The following TSPAN1 variants were observed in gnomAD, a reference collection of about 807,000 sequenced individuals.
TSPAN1 encodes tetraspanin-1.
TSPAN1 carries 23 observed loss-of-function variants against 26.9 expected under a neutral mutation model. The ratio of observed to expected loss-of-function variants is 0.85; its 90% CI spans 0.62 to 1.21. The LOEUF (loss-of-function observed/expected upper bound fraction) is 1.21. Among genes scored for constraint, TSPAN1 ranks in the 50% most tolerant of loss-of-function variants. The pLI is 0.00. For missense variants in TSPAN1, 283 were observed against 298.4 expected (o/e 0.95, Z 0.38); for synonymous variants, 115 against 114.8 (o/e 1.00, Z -0.01).
At chr1:46,188,488 A>G (rs905739225), downstream of TSPAN1, among the ~76,000 whole-genome samples, 6 of 152,188 alleles carry the variant, frequency 3.9e-5, no homozygotes, top group Non-Finnish European at 8.8e-5. Flanking sequence ...GGCTAAAGTC[A>G]AGCTGTCCTA....
At chr1:46,189,421 G>A (rs1657565517), downstream of TSPAN1, 2 of 1,613,668 alleles carry the variant, frequency 1.2e-6, no homozygotes, top group Non-Finnish European at 1.7e-6. Context: ...GATCTCACTA[G>A]GCCTCCTGTT....
chr1:46,183,998 G>T (rs981381399), intron 3 of TSPAN1, 193 bp from the exon 4 acceptor site: 1 of 624,720 alleles, frequency 1.6e-6, no homozygotes, highest in African/African-American at 1.8e-5. Flanking sequence ...TGTGCAGCCT[G>T]GTCCTAGCTA....
downstream of TSPAN1, chr1:46,189,782 G>C: frequency 6.2e-7 from 1 of 1,602,056 alleles, no homozygotes. Context: ...CAGAGCAAAG[G>C]CTCCCTGGAT....
intron 6 of TSPAN1, 34 bp downstream of exon 6, chr1:46,184,917 A>G: frequency 6.2e-7 from 1 of 1,614,040 alleles, no homozygotes; most frequent in Non-Finnish European, 8.5e-7. Context: ...TAGGGTGGAG[A>G]GAAAGAAGCA....
chr1:46,189,317 G>C, downstream of TSPAN1: 1 of 1,613,820 alleles, frequency 6.2e-7, no homozygotes, highest in African/African-American at 1.3e-5. Flanking sequence ...TTTGGGGGTG[G>C]CTCCAGGAAA....
chr1:46,195,707 T>C, the TSPAN1 span: 13 of 1,068,554 alleles, frequency 1.2e-5, 1 homozygote, highest in South Asian at 1.6e-4. Flanking sequence ...TAACCTTCCT[T>C]CAGAGAATCT....
chr1:46,190,459 G>T, downstream of TSPAN1: 1 of 1,578,284 alleles, frequency 6.3e-7, no homozygotes, highest in Non-Finnish European at 8.7e-7. Flanking sequence ...CACCCCAATT[G>T]TCCTAGGCCA....
the TSPAN1 span, chr1:46,193,324 T>C: frequency 1.2e-6 from 2 of 1,613,758 alleles, no homozygotes; most frequent in South Asian, 2.2e-5. Context: ...GCGGGCATTC[T>C]TGATGCTGAT....
chr1:46,190,051 G>T, downstream of TSPAN1: 2 of 1,593,562 alleles, frequency 1.3e-6, no homozygotes, highest in Non-Finnish European at 1.7e-6. Flanking sequence ...GTGTCCCACA[G>T]GACCCTGTAC....
the TSPAN1 span, chr1:46,195,630 T>C: frequency 1.4e-6 from 1 of 693,606 alleles, no homozygotes; most frequent in Non-Finnish European, 2.6e-6. Context: ...GTACCTGGCA[T>C]ACAGCTGTTG....
At chr1:46,193,350 G>A in the TSPAN1 span, 1 of 1,613,380 alleles carries the variant, frequency 6.2e-7, no homozygotes, top group Non-Finnish European at 8.5e-7. Flanking sequence ...TATGCTGGAT[G>A]CCCCTCAGAC....
Position 46,181,289 on chromosome 1 carries a change from G to A in TSPAN1, c.57+125G>A, listed in dbSNP as rs960143556. 7 of 930,118 alleles carry A rather than the reference G, an allele frequency of 7.5e-6. No individual in the cohort carries two copies. The Admixed American group carries it at 1.1e-4, about 15-fold the overall frequency. The allele number at this position is 930,118 out of a possible 1,614,324, so 57.6% of individuals were successfully genotyped here. On this transcript the variant is annotated intron_variant, in intron 3 of 8. Transcript: ENST00000372003. ...CTTCGTCCTGCATGTGTCCCCTTAT[G>A]AGTGGGATGCAAAGGTCTCCCCAAA...
chr1:46,185,433 G>C, intron 8 of TSPAN1, 53 bp from the exon 9 acceptor site: 1 of 1,612,072 alleles, frequency 6.2e-7, no homozygotes, highest in Non-Finnish European at 8.5e-7. Context: ...TGTGGGACAG[G>C]CTTCAGGATC....
Position 46,183,891 on chromosome 1 carries a change from T to C in TSPAN1, c.58-300T>C. The C allele has an allele frequency of 6.3e-6, 3 of 473,994 alleles. No homozygotes were observed. In the South Asian group the frequency reaches 6.6e-5, roughly 10 times the overall value. 29.4% of individuals were successfully genotyped at this position (473,994 alleles called of 1,614,324 possible). ...ACCTGCCTGTTTTCAATCCTAGCTA[T>C]GTGGCAGGACCCTGGCAGCAGTGAG... On this transcript the variant is annotated intron_variant, in intron 3 of 8. Transcript: ENST00000372003.
At chr1:46,184,485 AC>A in intron 4 of TSPAN1, 88 bp downstream of exon 4, 1 of 1,601,772 alleles carries the variant, frequency 6.2e-7, no homozygotes, top group East Asian at 2.2e-5. Context: ...CCTGCTTTGG[AC>A]CCCCCTAGGC....
chr1:46,179,336 C>T (rs1340863453), intron 1 of TSPAN1, among the ~76,000 whole-genome samples: 1 of 150,576 alleles, frequency 6.6e-6, no homozygotes, highest in African/African-American at 2.4e-5. Context: ...AAAAAATCAA[C>T]TTCCTCCATC....
intron 3 of TSPAN1, chr1:46,183,663 G>A (rs1329137416): frequency 5.8e-6 from 1 of 171,076 alleles, no homozygotes; most frequent in Admixed American, 5.4e-5. Flanking sequence ...GATTCTGGAG[G>A]GGAGCCAAAT....
chr1:46,185,001 C>T lies in TSPAN1; in HGVS notation c.480C>T (p.Asp160=), dbSNP rs751723287. ...TCACCAACTATACGGATTTTGAGGA[C>T]TCACCCTACTTCAAAGAGAACAGTG... ...CGFTNYTDFE[D]SPYFKENSAF... The change falls in exon 7 of 9, where the codon GAC becomes GAT. Residue 160 remains aspartate (D), a synonymous_variant. Transcript: ENST00000372003. 3 of 1,614,196 alleles carry T rather than the reference C, an allele frequency of 1.9e-6. No individual in the cohort carries two copies. Among genetic ancestry groups the T allele is most frequent in the Admixed American group, 1.7e-5 (1 of 60,026 alleles).
At chr1:46,187,626 C>G (rs2148153615), downstream of TSPAN1, among the ~76,000 whole-genome samples, 1 of 152,292 alleles carries the variant, frequency 6.6e-6, no homozygotes, top group South Asian at 2.1e-4. Flanking sequence ...ACCCCTTCAC[C>G]ACCATACTGT....
Sources: gnomAD v4.1 joint callset for allele counts (sites outside exome capture counted in the v4.1 genomes callset) on GRCh38, gnomAD v4.1.1 for gene constraint, MANE v1.5 for transcripts, NCBI Gene and HGNC (gene_info 2026-07-23, HGNC 2026-07-21) for gene names.